The following FAM161A variants were observed in gnomAD, a reference collection of about 807,000 sequenced individuals.
FAM161A encodes protein FAM161A.
Under a neutral mutation model 70.9 loss-of-function variants are expected in FAM161A, and 57 were observed. That is an observed-to-expected ratio of 0.80 (90% CI 0.65 to 1.00). The LOEUF (loss-of-function observed/expected upper bound fraction) is 1.00, where lower values mean the gene tolerates loss of function less well. Ranked by LOEUF, FAM161A falls within the 50% of genes least tolerant of loss-of-function variation. FAM161A has a pLI of 0.00. For missense variants in FAM161A, 880 were observed against 836.0 expected (o/e 1.05, Z -0.65); for synonymous variants, 299 against 295.7 (o/e 1.01, Z -0.12).
the FAM161A span, among the ~76,000 whole-genome samples, chr2:61,811,509 G>C: frequency 6.6e-6 from 1 of 152,066 alleles, no homozygotes; most frequent in Non-Finnish European, 1.5e-5. Context: ...AGGTAGCTGC[G>C]ATTACAGGCG....
At chr2:61,804,164 A>G in the FAM161A span, among the ~76,000 whole-genome samples, 1 of 152,160 alleles carries the variant, frequency 6.6e-6, no homozygotes, top group Non-Finnish European at 1.5e-5. Flanking sequence ...GTAAACTGTC[A>G]TGGCACTGGT....
intron 4 of FAM161A, among the ~76,000 whole-genome samples, chr2:61,837,065 A>C (rs1454451732): frequency 6.6e-6 from 1 of 152,046 alleles, no homozygotes; most frequent in African/African-American, 2.4e-5. Flanking sequence ...TGGGGGTCTC[A>C]TTATGTTTAC....
intron 1 of FAM161A, 144 bp from the exon 2 acceptor site, chr2:61,842,504 AG>A (rs1468136673): frequency 3.3e-6 from 2 of 608,834 alleles, no homozygotes; most frequent in Non-Finnish European, 5.8e-6. Context: ...AATGAGTTAT[AG>A]GTTATTTGTG....
the FAM161A span, among the ~76,000 whole-genome samples, chr2:61,802,092 T>C: frequency 1.3e-5 from 2 of 152,246 alleles, no homozygotes; most frequent in Non-Finnish European, 2.9e-5. Flanking sequence ...TATTAATCCC[T>C]AAAAGTTCTC....
At chr2:61,811,404 C>T in the FAM161A span, among the ~76,000 whole-genome samples, 1 of 152,038 alleles carries the variant, frequency 6.6e-6, no homozygotes, top group African/African-American at 2.4e-5. Context: ...GATGGAGTCT[C>T]ACTCTGTTGC....
intron 1 of FAM161A, among the ~76,000 whole-genome samples, chr2:61,846,308 G>A (rs1477807417): frequency 7.2e-5 from 11 of 152,060 alleles, no homozygotes. Flanking sequence ...AACCTAGAAA[G>A]GGAGGTTAGG....
the FAM161A span, among the ~76,000 whole-genome samples, chr2:61,818,776 C>T: frequency 1.3e-5 from 2 of 152,064 alleles, no homozygotes; most frequent in Non-Finnish European, 2.9e-5. Flanking sequence ...CAGGTGAAGA[C>T]CATCAAGGAA....
Position 61,826,576 on chromosome 2 carries a change from T to G in FAM161A, c.2030A>C (p.Glu677Ala). The change falls in exon 7 of 7, where the codon GAA (glutamate) becomes GCA (alanine). Residue 677 changes from glutamate to alanine, a missense_variant. Transcript: ENST00000404929. ...ATTTTCTTCCCCATTCTCTCTTTCTTCTATTTTTTCTTCTTCATTAAAGCT... is the reference window on the plus strand; with the variant it reads ...ATTTTCTTCCCCATTCTCTCTTTCTGCTATTTTTTCTTCTTCATTAAAGCT... ...KESFNEEEKI[E>A]ERENGEENYF... 6.2e-7 allele frequency: 1 copy of G among 1,600,818 alleles called. No individual in the cohort carries two copies. Among genetic ancestry groups the G allele is most frequent in the Non-Finnish European group, 8.5e-7 (1 of 1,170,744 alleles).
In FAM161A at chr2:61,840,468, G is replaced by C. The variant is rs775508931; in HGVS notation, c.536C>G (p.Pro179Arg). 2 of 1,613,878 alleles carry C rather than the reference G, an allele frequency of 1.2e-6. No homozygotes were observed. The highest frequency in any genetic ancestry group is 1.7e-6 in the Non-Finnish European group (2 of 1,179,972). ...CCTAGGATACTCTTTTTCTAGGTTGGGTAACTCCTCTTCAGAGGAGGACAC... is the reference window on the plus strand; with the variant it reads ...CCTAGGATACTCTTTTTCTAGGTTGCGTAACTCCTCTTCAGAGGAGGACAC... Reference protein sequence around the residue: ...LYVSSSEEELPNLEKEYPRKN... With the variant: ...LYVSSSEEELRNLEKEYPRKN... Residue 179 changes from proline (P) to arginine (R), a missense_variant, in exon 3 of 7, where the codon CCC (proline) becomes CGC (arginine). Coordinates refer to ENST00000404929, the MANE Select transcript of FAM161A (RefSeq NM_001201543.2).
chr2:61,805,310 G>A, the FAM161A span, among the ~76,000 whole-genome samples: 4 of 152,296 alleles, frequency 2.6e-5, no homozygotes, highest in Non-Finnish European at 5.9e-5. Context: ...GAGGTCAGGA[G>A]TTCGAGACGA....
At chr2:61,823,872 A>G (rs1407459740), downstream of FAM161A, among the ~76,000 whole-genome samples, 1 of 152,158 alleles carries the variant, frequency 6.6e-6, no homozygotes, top group Non-Finnish European at 1.5e-5. Context: ...CCATAAGTAA[A>G]AAGAATTCTG....
intron 5 of FAM161A, among the ~76,000 whole-genome samples, chr2:61,833,769 C>G (rs1672670988): frequency 6.6e-6 from 1 of 152,156 alleles, no homozygotes. Context: ...GTGGCTCATG[C>G]CTGTAATCCC....
chr2:61,846,167 C>T (rs1673207061), intron 1 of FAM161A, among the ~76,000 whole-genome samples: 2 of 150,780 alleles, frequency 1.3e-5, no homozygotes, highest in South Asian at 4.2e-4. Context: ...GGGGAAAGTA[C>T]CCTAGGCAAA....
In FAM161A at chr2:61,838,602, C is replaced by T; in HGVS notation, c.1687G>A (p.Ala563Thr). Residue 563 changes from alanine (A) to threonine (T), a missense_variant, in exon 4 of 7, where the codon GCT (alanine) becomes ACT (threonine). Coordinates refer to ENST00000404929, the MANE Select transcript of FAM161A (RefSeq NM_001201543.2). Reference sequence around the variant, plus strand: ...CTTTGATGTGAGTCATAAGCCTTAGCCCGGGTTGTCAGGAGTTTCTGCAAT... The same window carrying T: ...CTTTGATGTGAGTCATAAGCCTTAGTCCGGGTTGTCAGGAGTTTCTGCAAT... ...KELQKLLTTR[A>T]KAYDSHQSLA... is the part of the protein sequence containing the mutation. 1 of 1,612,220 alleles carries T rather than the reference C, an allele frequency of 6.2e-7. No homozygotes were observed. Among genetic ancestry groups the T allele is most frequent in the Non-Finnish European group, 8.5e-7 (1 of 1,179,492 alleles).
the FAM161A span, among the ~76,000 whole-genome samples, chr2:61,805,468 A>G: frequency 6.6e-6 from 1 of 152,160 alleles, no homozygotes; most frequent in Admixed American, 6.5e-5. Flanking sequence ...GTGAGCCAAG[A>G]TCATGCCACT....
chr2:61,821,707 C>T (rs1030951753), downstream of FAM161A, among the ~76,000 whole-genome samples: 1 of 152,086 alleles, frequency 6.6e-6, no homozygotes, highest in Admixed American at 6.6e-5. Context: ...GCTGAGATTA[C>T]AGGTGTAGGC....
downstream of FAM161A, among the ~76,000 whole-genome samples, chr2:61,822,713 A>G (rs1276746864): frequency 1.3e-5 from 2 of 152,034 alleles, no homozygotes; most frequent in Non-Finnish European, 2.9e-5. Context: ...CAGCCTCCCA[A>G]ATGGCTGGGA....
the FAM161A span, among the ~76,000 whole-genome samples, chr2:61,801,734 T>A: frequency 2.6e-5 from 4 of 152,012 alleles, no homozygotes; most frequent in Non-Finnish European, 4.4e-5. Context: ...CTAATTTTTG[T>A]ATTTTTAGTA....
chr2:61,816,187 T>C, the FAM161A span, among the ~76,000 whole-genome samples: 1 of 152,142 alleles, frequency 6.6e-6, no homozygotes, highest in Non-Finnish European at 1.5e-5. Context: ...ACCTCCATAC[T>C]GAGGATGCAT....
Sources: allele counts gnomAD v4.1 joint callset (sites outside exome capture counted in the v4.1 genomes callset), GRCh38; gene constraint gnomAD v4.1.1; transcripts MANE v1.5; gene names NCBI Gene and HGNC (gene_info 2026-07-23, HGNC 2026-07-21).